Variants in CAPN12 observed in about 807,000 individuals in gnomAD.
CAPN12 encodes the protein calpain 12, also known as calpain-12.
Under a neutral mutation model 95.0 loss-of-function variants are expected in CAPN12, and 107 were observed. That is an observed-to-expected ratio of 1.13 (90% CI 0.96 to 1.32). CAPN12 has a LOEUF of 1.32. Among genes scored for constraint, CAPN12 ranks in the 40% most tolerant of loss-of-function variants. The pLI, the probability that CAPN12 is intolerant of heterozygous loss-of-function variation, is 0.00. For missense variants in CAPN12, 1,136 were observed against 997.8 expected (o/e 1.14, Z -1.87); for synonymous variants, 505 against 415.5 (o/e 1.22, Z -2.62).
chr19:38,742,821 A>G (rs1460038742), intron 2 of CAPN12, among the ~76,000 whole-genome samples: 1 of 139,568 alleles, frequency 7.2e-6, no homozygotes, highest in Non-Finnish European at 1.5e-5. Flanking sequence ...ACTGTATTCC[A>G]GAATGGGTGA....
chr19:38,731,793 C>T (rs562238545), intron 18 of CAPN12, among the ~76,000 whole-genome samples: 9 of 152,364 alleles, frequency 5.9e-5, no homozygotes, highest in Admixed American at 4.6e-4. Flanking sequence ...GCTTCTGCTG[C>T]TTCCAAAGCC....
At position 38,730,545 on chromosome 19, in the gene CAPN12, ATC is replaced by A. The variant is rs1969504022; in HGVS notation, c.*305_*306del. The A allele has an allele frequency of 2.1e-6, 1 of 465,408 alleles. No homozygotes were observed. The highest frequency in any genetic ancestry group is 3.7e-5 in the Admixed American group (1 of 27,178). The allele number at this position is 465,408 out of a possible 1,614,324, so 28.8% of individuals were successfully genotyped here. A position where few individuals can be genotyped will look rare whatever the true frequency, so the allele number is the denominator to read the frequency against. Reference sequence around the variant, plus strand: ...TTTTAAGAAGGATTCCTGCAGCATCATCTTTTTTTATTTCTCCTGTGTCTGTC... The same window carrying A: ...TTTTAAGAAGGATTCCTGCAGCATCATTTTTTTATTTCTCCTGTGTCTGTC... On this transcript the variant is annotated 3_prime_UTR_variant, in exon 21 of 21. Transcript: ENST00000328867.
intron 18 of CAPN12, among the ~76,000 whole-genome samples, chr19:38,732,568 A>AGCAATCTG (rs1969706154): frequency 1.3e-5 from 2 of 152,140 alleles, no homozygotes; most frequent in African/African-American, 4.8e-5. Context: ...CCTAGGCTCA[A>AGCAATCTG]GCAATCTGGC....
rs768742596 is a variant in CAPN12 at position 38,742,434 on chromosome 19, G to A, written c.402C>T (p.Gly134=). 9 of 1,613,842 alleles carry A rather than the reference G, an allele frequency of 5.6e-6. No individual in the cohort carries two copies. In the East Asian group the frequency reaches 1.1e-4, roughly 20 times the overall value. Residue 134 remains glycine, a synonymous_variant, in exon 3 of 21, where the codon GGC becomes GGT. Transcript: ENST00000328867. ...VVPPGQDFQH[G]YAGVFHFQLW... is the part of the protein sequence containing the mutation. ...CCTGGAAGTGGAAGACGCCTGCGTAGCCATGCTGGAAATCCTGTCCAGGAG... is the reference window on the plus strand; with the variant it reads ...CCTGGAAGTGGAAGACGCCTGCGTAACCATGCTGGAAATCCTGTCCAGGAG...
At position 38,736,332 on chromosome 19, in the gene CAPN12, G is replaced by T; in HGVS notation, c.1375-14C>A. 1 of 1,449,338 alleles carries T rather than the reference G, an allele frequency of 6.9e-7. No individual in the cohort carries two copies. The highest frequency in any genetic ancestry group is 9.1e-7 in the Non-Finnish European group (1 of 1,101,852). 89.8% of individuals were successfully genotyped at this position (1,449,338 alleles called of 1,614,324 possible). ...GAGGCCCAGCAGCTGGGGACGGGGCGGCATGACCACGGACCAGGCTCACCC... is the reference window on the plus strand; with the variant it reads ...GAGGCCCAGCAGCTGGGGACGGGGCTGCATGACCACGGACCAGGCTCACCC... On this transcript the variant is annotated splice_polypyrimidine_tract_variant and intron_variant, in intron 11 of 20. Coordinates refer to ENST00000328867, the MANE Select transcript of CAPN12 (RefSeq NM_144691.4).
Position 38,743,430 on chromosome 19 carries a change from G to A in CAPN12, c.238-328C>T, listed in dbSNP as rs55677116. Among the ~76,000 whole-genome samples the A allele has an allele frequency of 1.1e-3, 99 of 88,796 alleles. 1 individual carries two copies. The highest frequency in any genetic ancestry group is 4.0e-3 in the African/African-American group (96 of 24,222). 58.3% of individuals were successfully genotyped at this position (88,796 alleles called of 152,430 possible). A position where few individuals can be genotyped will look rare whatever the true frequency, so the allele number is the denominator to read the frequency against. On this transcript the variant is annotated intron_variant, in intron 1 of 20. Coordinates refer to ENST00000328867, the MANE Select transcript of CAPN12 (RefSeq NM_144691.4). ...CCGAGCCCCTCCTCCCTCAGACCCA[G>A]GAGTCCAGGCCCAGCCCCTCCTCCC...
chr19:38,742,363 G>T, intron 3 of CAPN12, 47 bp downstream of exon 3: 20 of 1,257,468 alleles, frequency 1.6e-5, no homozygotes, highest in Non-Finnish European at 2.3e-5. Context: ...ATATCACCAA[G>T]TCACCATGGG....
chr19:38,737,517 A>G lies in CAPN12; in HGVS notation c.1087T>C (p.Trp363Arg). Residue 363 changes from tryptophan (W) to arginine (R), a missense_variant, in exon 9 of 21, where the codon TGG (tryptophan) becomes CGG (arginine). By Grantham distance (101) the Trp-to-Arg change is moderately radical. Transcript: ENST00000328867. ...CCGCCGGAGTTGAAGCCACGCACCCAGCGGCCTTGGAAGGTGTGGACGTGC... is the reference window on the plus strand; with the variant it reads ...CCGCCGGAGTTGAAGCCACGCACCCGGCGGCCTTGGAAGGTGTGGACGTGC... ...GWHVHTFQGR[W>R]VRGFNSGGSQ... is the part of the protein sequence containing the mutation. 1 of 1,612,614 alleles carries G rather than the reference A, an allele frequency of 6.2e-7. No individual in the cohort carries two copies. The highest frequency in any genetic ancestry group is 8.5e-7 in the Non-Finnish European group (1 of 1,179,906).
chr19:38,735,925 GGCGGGGGT>G (rs1970068110), intron 12 of CAPN12, among the ~76,000 whole-genome samples, 177 bp downstream of exon 12: 1 of 10,312 alleles, frequency 9.7e-5, no homozygotes, highest in Non-Finnish European at 2.5e-4. Context: ...GGCGGGGCGG[GGCGGGGGT>G]TCTGGGGGCG....
chr19:38,736,905 CAGCCCTACTAG>C, intron 10 of CAPN12: 4 of 473,592 alleles, frequency 8.4e-6, no homozygotes, highest in South Asian at 3.1e-5. Context: ...CCTGGCCCCC[CAGCCCTACTAG>C]CCCCCTACTC....
At chr19:38,741,073 G>A (rs1036042983) in intron 4 of CAPN12, among the ~76,000 whole-genome samples, 12 of 152,086 alleles carry the variant, frequency 7.9e-5, no homozygotes, top group Admixed American at 2.6e-4. Context: ...GTCCCAGGGT[G>A]ACCCCCAATA....
In CAPN12 at chr19:38,740,203, C is replaced by T. The variant is rs752907166; in HGVS notation, c.577G>A (p.Glu193Lys). 1 of 1,608,696 alleles carries T rather than the reference C, an allele frequency of 6.2e-7. No homozygotes were observed. The highest frequency in any genetic ancestry group is 1.1e-5 in the South Asian group (1 of 89,940). ...KAYAKLHGSYEVMRGGHMNEA... is the reference protein window; with the variant it reads ...KAYAKLHGSYKVMRGGHMNEA... ...TTCATGTGGCCGCCCCGCATCACCT[C>T]ATAGGAGCCGTGGAGCCTGTGGGGG... Residue 193 changes from glutamate to lysine, a missense_variant, in exon 5 of 21, where the codon GAG becomes AAG. Physicochemically the swap from Glu to Lys is moderately conservative, Grantham distance 56. Coordinates refer to ENST00000328867, the MANE Select transcript of CAPN12 (RefSeq NM_144691.4).
At chr19:38,742,577 G>T in intron 2 of CAPN12, 49 bp from the exon 3 acceptor site, 1 of 1,342,222 alleles carries the variant, frequency 7.5e-7, no homozygotes. Flanking sequence ...GGGAGGCCTG[G>T]TGCGGTGGCT....
At chr19:38,742,896 GGA>G in intron 2 of CAPN12, 135 bp downstream of exon 2, 1 of 616,226 alleles carries the variant, frequency 1.6e-6, no homozygotes, top group Middle Eastern at 3.8e-4. Context: ...GAGGGAGGAG[GGA>G]GAGAGAGGCC....
At chr19:38,736,516 AAGCCCCAGGGCCG>A (rs1431477096) in intron 11 of CAPN12, 23 bp downstream of exon 11, 3 of 1,166,328 alleles carry the variant, frequency 2.6e-6, no homozygotes, top group Non-Finnish European at 3.3e-6. Flanking sequence ...CAGGTTGACC[AAGCCCCAGGGCCG>A]GTTGACCCCA....
chr19:38,742,184 G>A, intron 3 of CAPN12: 1 of 616,698 alleles, frequency 1.6e-6, no homozygotes, highest in Non-Finnish European at 2.8e-6. Context: ...AAATTAGCTG[G>A]GCATGATGGC....
In CAPN12 at chr19:38,738,434, C is replaced by A. The variant is rs368225374; in HGVS notation, c.874G>T (p.Gly292Trp). The change falls in exon 7 of 21, where the codon GGG becomes TGG. Residue 292 changes from glycine (G) to tryptophan (W), a missense_variant. Transcript: ENST00000328867. ...CCATCCCACCTGTCGCTCCAGGCCCCCGTCCACTCCACGCAGCCCCATGGG... is the reference window on the plus strand; with the variant it reads ...CCATCCCACCTGTCGCTCCAGGCCCACGTCCACTCCACGCAGCCCCATGGG... The part of the protein sequence containing the change: ...RNPWGCVEWT[G>W]AWSDSCPRWD... 1 of 1,610,286 alleles carries A rather than the reference C, an allele frequency of 6.2e-7. No homozygotes were observed. Among genetic ancestry groups the A allele is most frequent in the Non-Finnish European group, 8.5e-7 (1 of 1,178,372 alleles).
rs745993253 is a variant in CAPN12, at chr19:38,737,530, G to A, written c.1074C>T (p.Thr358=). The A allele has an allele frequency of 6.2e-7, 1 of 1,612,618 alleles. No individual in the cohort carries two copies. The highest frequency in any genetic ancestry group is 2.2e-5 in the East Asian group (1 of 44,866). Residue 358 remains threonine (T), a synonymous_variant, in exon 9 of 21, where the codon ACC becomes ACT. Coordinates refer to ENST00000328867, the MANE Select transcript of CAPN12 (RefSeq NM_144691.4). ...SPEGGGWHVH[T]FQGRWVRGFN... is the part of the protein sequence containing the mutation. ...AGCCACGCACCCAGCGGCCTTGGAA[G>A]GTGTGGACGTGCCAGCCGCCCCCCT...
chr19:38,742,963 G>A, intron 2 of CAPN12, 70 bp downstream of exon 2: 1 of 1,482,994 alleles, frequency 6.7e-7, no homozygotes, highest in South Asian at 1.1e-5. Flanking sequence ...GTGGACAAAG[G>A]GATGGAGCTG....
Sources: gnomAD v4.1 joint callset for allele counts (sites outside exome capture counted in the v4.1 genomes callset) on GRCh38, gnomAD v4.1.1 for gene constraint, MANE v1.5 for transcripts, NCBI Gene and HGNC (gene_info 2026-07-23, HGNC 2026-07-21) for gene names.